Variants in SEMA3F observed in about 807,000 individuals in gnomAD.
SEMA3F encodes semaphorin-3F.
A neutral mutation model predicts 98.5 loss-of-function variants in SEMA3F; 30 were observed. The ratio of observed to expected loss-of-function variants is 0.30; its 90% confidence interval spans 0.23 to 0.41. The LOEUF is 0.41. Ranked by LOEUF, SEMA3F falls within the 10% of genes least tolerant of loss-of-function variation. SEMA3F has a pLI of 1.00. For synonymous variants in SEMA3F, 380 were observed against 444.8 expected (o/e 0.85, Z 1.83); for missense variants, 866 against 1,119.3 (o/e 0.77, Z 3.23).
rs149171038 is a variant in SEMA3F, at chr3:50,184,128, G to A, written c.1234-464G>A. 3.0e-3 allele frequency: 673 copies of A among 226,478 alleles called. 2 individuals are homozygous for A. The highest frequency in any genetic ancestry group is 6.6e-3 in the Middle Eastern group (4 of 610). The allele number at this position is 226,478 out of a possible 1,614,324, so 14.0% of individuals were successfully genotyped here. The stretch of plus-strand genomic sequence containing the variant: ...AGAGGTAACCTGGAGTCAGAAGGAT[G>A]GGCCAGAGGTAAGCTGGCCATGACG... On this transcript the variant is annotated intron_variant, in intron 12 of 18. Transcript: ENST00000002829.
At chr3:50,157,943 C>T (rs538838341) in intron 1 of SEMA3F, among the ~76,000 whole-genome samples, 3 of 152,174 alleles carry the variant, frequency 2.0e-5, no homozygotes, top group South Asian at 4.1e-4. Flanking sequence ...CGGCATCTTG[C>T]GCCAGGACAG....
At chr3:50,183,096 T>C in intron 10 of SEMA3F, 78 bp downstream of exon 10, 1 of 1,557,628 alleles carries the variant, frequency 6.4e-7, no homozygotes, top group South Asian at 1.1e-5. Context: ...CAGGGTGCCT[T>C]TGGTGGGCCC....
Position 50,173,727 on chromosome 3 carries a change from A to G in SEMA3F, c.113-66A>G, listed in dbSNP as rs953551401. 8 of 1,417,098 alleles carry G rather than the reference A, an allele frequency of 5.6e-6. No homozygotes were observed. The Admixed American group carries it at 1.4e-4, about 25-fold the overall frequency. The allele number at this position is 1,417,098 out of a possible 1,614,324, so 87.8% of individuals were successfully genotyped here. ...ACCTCAGGGCCTCAGTCTCCCCTTT[A>G]TCAGAGGGGGTATGGCTGGATGGTT... On this transcript the variant is annotated intron_variant, in intron 2 of 18. Transcript: ENST00000002829.
chr3:50,165,020 C>A (rs1014512156), intron 2 of SEMA3F, among the ~76,000 whole-genome samples: 2 of 152,238 alleles, frequency 1.3e-5, no homozygotes, highest in Admixed American at 1.3e-4. Flanking sequence ...TGCCTCACCC[C>A]TTCCTCCAGA....
At chr3:50,155,109 C>T, upstream of SEMA3F, 1 of 411,928 alleles carries the variant, frequency 2.4e-6, no homozygotes, top group Non-Finnish European at 4.5e-6. This position sits in a 1 kb window ranked among gnomAD's most constrained non-coding sequence, Gnocchi z 4.9. Flanking sequence ...GAACGAACCG[C>T]GGCGGTCCGG....
rs948326437 is a variant in SEMA3F at position 50,183,247 on chromosome 3, C to T, written c.1080C>T (p.Thr360=). 3 of 1,613,990 alleles carry T rather than the reference C, an allele frequency of 1.9e-6. No homozygotes were observed. Among genetic ancestry groups the T allele is most frequent in the African/African-American group, 2.7e-5 (2 of 74,944 alleles). ...ACCCTGTCATTTACGCTGTCTTTACCTCCTCTGGGTGAGGCTGGGGTCAGG... is the reference window on the plus strand; with the variant it reads ...ACCCTGTCATTTACGCTGTCTTTACTTCCTCTGGGTGAGGCTGGGGTCAGG... The part of the protein sequence containing the change: ...VRNPVIYAVF[T]SSGSVFRGSA... The change falls in exon 11 of 19, where the codon ACC becomes ACT. Residue 360 remains threonine (T), a synonymous_variant. Transcript: ENST00000002829.
At chr3:50,176,310 G>T (rs1001089934) in intron 6 of SEMA3F, among the ~76,000 whole-genome samples, 3 of 152,174 alleles carry the variant, frequency 2.0e-5, no homozygotes, top group Non-Finnish European at 2.9e-5. Context: ...GATGGCAAAG[G>T]ACAGGACCCC....
Position 50,183,266 on chromosome 3 carries a change from G to T in SEMA3F, c.1088+11G>T. The T allele has an allele frequency of 1.2e-6, 2 of 1,613,702 alleles. No individual in the cohort carries two copies. Among genetic ancestry groups the T allele is most frequent in the South Asian group, 1.1e-5 (1 of 91,076 alleles). On this transcript the variant is annotated intron_variant, in intron 11 of 18. Transcript: ENST00000002829. ...CTTTACCTCCTCTGGGTGAGGCTGG[G>T]GTCAGGGCCAGCAGTGGCAGGGAGT...
At chr3:50,185,814 G>A (rs1559739288) in intron 15 of SEMA3F, 75 bp from the exon 16 acceptor site, 11 of 1,606,054 alleles carry the variant, frequency 6.8e-6, no homozygotes, top group Admixed American at 1.7e-5. Flanking sequence ...ACAGGGGAGA[G>A]GAGCCCAGCC....
At chr3:50,162,407 A>T (rs1698240166) in intron 2 of SEMA3F, among the ~76,000 whole-genome samples, 1 of 152,230 alleles carries the variant, frequency 6.6e-6, no homozygotes, top group South Asian at 2.1e-4. Flanking sequence ...AGCCAAAATC[A>T]GGCAGAAGTG....
intron 11 of SEMA3F, 50 bp downstream of exon 11, chr3:50,183,305 G>T (rs1329702830): frequency 2.5e-6 from 4 of 1,607,552 alleles, no homozygotes; most frequent in Non-Finnish European, 3.4e-6. Context: ...CCCGTTGGGG[G>T]ATTGTAACTC....
At chr3:50,176,666 G>T (rs983223176) in intron 6 of SEMA3F, 102 bp from the exon 7 acceptor site, 2 of 831,938 alleles carry the variant, frequency 2.4e-6, no homozygotes, top group Non-Finnish European at 4.1e-6. Flanking sequence ...TGGGCTCGGG[G>T]TATGCCTGGG....
At chr3:50,180,893 C>A (rs943532069) in intron 7 of SEMA3F, among the ~76,000 whole-genome samples, 1 of 151,970 alleles carries the variant, frequency 6.6e-6, no homozygotes, top group African/African-American at 2.4e-5. Context: ...ATGGTGAAAC[C>A]CCGTCTCTAC....
At chr3:50,172,877 G>T (rs1324251581) in intron 2 of SEMA3F, among the ~76,000 whole-genome samples, 3 of 152,138 alleles carry the variant, frequency 2.0e-5, no homozygotes, top group African/African-American at 7.2e-5. Flanking sequence ...GATATACCCG[G>T]TCACACCCCT....
Position 50,161,109 on chromosome 3 carries a change from AGGGTCT to A in SEMA3F, c.112+1378_112+1383del, listed in dbSNP as rs561647391. On this transcript the variant is annotated intron_variant, in intron 2 of 18. Transcript: ENST00000002829. ...GTTCCCCCAAACCCCTCCCCAGCCC[AGGGTCT>A]GGCAGCGAGAGTAGAGTGTCTCCTC... is the stretch of plus-strand genomic sequence containing the variant. 4.8e-3 allele frequency among the ~76,000 whole-genome samples: 736 copies of A among 152,264 alleles called. 12 individuals carry two copies. Among genetic ancestry groups the A allele is most frequent in the African/African-American group, 0.016 (681 of 41,554 alleles).
rs1025565490 is a variant in SEMA3F, at chr3:50,158,585, G to A, written c.-48-990G>A. 6.6e-6 allele frequency among the ~76,000 whole-genome samples: 1 copy of A among 152,204 alleles called. No homozygotes were observed. Among genetic ancestry groups the A allele is most frequent in the Non-Finnish European group, 1.5e-5 (1 of 68,022 alleles). ...TGGGCCTGGGGTCCTGCCTGCCACG[G>A]AAGAAGGGAGTACACAGGGCAGATC... is the stretch of plus-strand genomic sequence containing the variant. On this transcript the variant is annotated intron_variant, in intron 1 of 18. Transcript: ENST00000002829. This position sits in a 1 kb window ranked among gnomAD's most constrained non-coding sequence, Gnocchi z 4.8.
At chr3:50,159,759 C>T (rs755061287) in intron 2 of SEMA3F, 25 bp downstream of exon 2, 6 of 1,449,700 alleles carry the variant, frequency 4.1e-6, no homozygotes, top group South Asian at 1.1e-5. Flanking sequence ...TGTTCTTCCC[C>T]AGAAATCATC....
At chr3:50,168,952 C>T (rs999523943) in intron 2 of SEMA3F, among the ~76,000 whole-genome samples, 1 of 152,192 alleles carries the variant, frequency 6.6e-6, no homozygotes, top group Admixed American at 6.5e-5. Flanking sequence ...TAGGGCTGCA[C>T]TGGCTCACTA....
intron 7 of SEMA3F, among the ~76,000 whole-genome samples, chr3:50,181,964 G>A (rs1164916864): frequency 6.6e-6 from 1 of 152,226 alleles, no homozygotes; most frequent in Non-Finnish European, 1.5e-5. Context: ...TGTGTCTGTG[G>A]GGTAGAAATA....
Sources: gnomAD v4.1 joint callset for allele counts (sites outside exome capture counted in the v4.1 genomes callset) on GRCh38, gnomAD v4.1.1 for gene constraint, Gnocchi (gnomAD v3.1) non-coding constraint, MANE v1.5 for transcripts, NCBI Gene and HGNC (gene_info 2026-07-23, HGNC 2026-07-21) for gene names.